Variants in MYL12B observed in about 807,000 individuals in gnomAD.
The protein encoded by MYL12B is myosin regulatory light chain 12B.
A neutral mutation model predicts 12.9 loss-of-function variants in MYL12B; 3 were observed. The ratio of observed to expected loss-of-function variants is 0.23; its 90% CI spans 0.11 to 0.60. The LOEUF (loss-of-function observed/expected upper bound fraction) is 0.60, where lower values mean the gene tolerates loss of function less well. Among genes scored for constraint, MYL12B ranks in the 20% least tolerant of loss-of-function variants. The pLI, the probability that MYL12B is intolerant of heterozygous loss-of-function variation, is 0.89. For missense variants in MYL12B, 120 were observed against 215.4 expected (o/e 0.56, Z 2.77); for synonymous variants, 57 against 71.9 (o/e 0.79, Z 1.05).
chr18:3,272,759 C>A, intron 1 of MYL12B, 125 bp from the exon 2 acceptor site: 1 of 877,124 alleles, frequency 1.1e-6, no homozygotes, highest in Non-Finnish European at 1.6e-6. Flanking sequence ...CTTATTCCTA[C>A]CCAATTGAAG....
In MYL12B at chr18:3,272,972, T is replaced by C; in HGVS notation, c.74T>C (p.Met25Thr). 1.2e-6 allele frequency: 2 copies of C among 1,612,830 alleles called. No individual in the cohort carries two copies. Among genetic ancestry groups the C allele is most frequent in the Non-Finnish European group, 1.7e-6 (2 of 1,179,700 alleles). The change falls in exon 2 of 4, where the codon ATG becomes ACG. Residue 25 changes from methionine (M) to threonine (T), a missense_variant. Transcript: ENST00000237500. Reference sequence around the variant, plus strand: ...CGTGCAACATCCAATGTGTTTGCCATGTTTGACCAGTCACAGATTCAGGAG... The same window carrying C: ...CGTGCAACATCCAATGTGTTTGCCACGTTTGACCAGTCACAGATTCAGGAG... ...PQRATSNVFA[M>T]FDQSQIQEFK...
chr18:3,272,172 G>C (rs1037762831), intron 1 of MYL12B: 3 of 840,686 alleles, frequency 3.6e-6, no homozygotes, highest in African/African-American at 1.1e-4. Flanking sequence ...GACCTTTTTT[G>C]AACATGACTA....
At chr18:3,272,483 A>G (rs2081688719) in intron 1 of MYL12B, among the ~76,000 whole-genome samples, 1 of 152,238 alleles carries the variant, frequency 6.6e-6, no homozygotes. Context: ...CTTCATAAAA[A>G]TTGATCCCCT....
chr18:3,274,365 A>G (rs1187466118), intron 2 of MYL12B, among the ~76,000 whole-genome samples: 1 of 152,244 alleles, frequency 6.6e-6, no homozygotes, highest in Non-Finnish European at 1.5e-5. Context: ...TCTGTTTTGC[A>G]GAAACCCATC....
intron 2 of MYL12B, chr18:3,276,901 T>C: frequency 5.4e-6 from 5 of 928,244 alleles, no homozygotes; most frequent in Non-Finnish European, 6.3e-6. Context: ...CAGGGCATGG[T>C]GGCACATGCC....
Position 3,273,176 on chromosome 18 carries a change from C to T in MYL12B, c.184+94C>T, listed in dbSNP as rs2081696448. On this transcript the variant is annotated intron_variant, in intron 2 of 3. Transcript: ENST00000237500. ...TGTGCGATGTACAAATATTTCTCTC[C>T]TTGTCTCAAAAGGCCTCTGGAGAGA... 10 of 1,373,204 alleles carry T rather than the reference C, an allele frequency of 7.3e-6. No individual in the cohort carries two copies. The South Asian group carries it at 1.0e-4, about 14-fold the overall frequency. 85.1% of individuals were successfully genotyped at this position (1,373,204 alleles called of 1,614,324 possible).
At chr18:3,276,536 T>A in intron 2 of MYL12B, 1 of 985,308 alleles carries the variant, frequency 1.0e-6, no homozygotes, top group Non-Finnish European at 1.2e-6. Flanking sequence ...GTGTAAACAG[T>A]GTTTGAAGAT....
At chr18:3,277,043 A>G (rs997442375) in intron 2 of MYL12B, 1 of 966,452 alleles carries the variant, frequency 1.0e-6, no homozygotes, top group Non-Finnish European at 1.2e-6. Context: ...ATAACCTTCA[A>G]TATAAGCCTG....
rs149878924 is a variant in MYL12B, at chr18:3,276,025, A to G, written c.185-1228A>G. Among the ~76,000 whole-genome samples the G allele has an allele frequency of 8.0e-4, 121 of 152,152 alleles. 2 individuals carry two copies. The East Asian group carries it at 0.022, about 27-fold the overall frequency. On this transcript the variant is annotated intron_variant, in intron 2 of 3. Coordinates refer to ENST00000237500, the MANE Select transcript of MYL12B (RefSeq NM_033546.4). ...AACTATAATGGTAGCTTTGATTGTC[A>G]TTCTAGCTTTGACTTAGTTGGGTAT...
Position 3,272,199 on chromosome 18 carries a change from TATCTC to T in MYL12B, c.-15-683_-15-679del, listed in dbSNP as rs1431163069. On this transcript the variant is annotated intron_variant, in intron 1 of 3. Transcript: ENST00000237500. ...ACATGACTAGTCTTTTTACATATGT[TATCTC>T]AATTAGTTCTTTGCATTGAAGTAGA... 41 of 817,734 alleles carry T rather than the reference TATCTC, an allele frequency of 5.0e-5. No homozygotes were observed. In the African/African-American group the frequency reaches 2.2e-3, roughly 44 times the overall value. 50.7% of individuals were successfully genotyped at this position (817,734 alleles called of 1,614,324 possible). A position where few individuals can be genotyped will look rare whatever the true frequency, so the allele number is the denominator to read the frequency against.
intron 2 of MYL12B, 74 bp from the exon 3 acceptor site, chr18:3,277,179 A>T: frequency 7.3e-7 from 1 of 1,363,826 alleles, no homozygotes. Context: ...TATGTTGGGG[A>T]GCATAATAAT....
chr18:3,262,771 G>A (rs1014408754), intron 1 of MYL12B: 4 of 152,408 alleles, frequency 2.6e-5, no homozygotes, highest in African/African-American at 9.6e-5. Context: ...AGCCTCCAAG[G>A]AAGCCATTAG....
intron 2 of MYL12B, chr18:3,276,683 A>T: frequency 1.8e-6 from 1 of 555,850 alleles, no homozygotes; most frequent in Non-Finnish European, 2.3e-6. Flanking sequence ...GTGAATATTT[A>T]GATTTTTTTG....
chr18:3,266,281 C>T (rs573625380), intron 1 of MYL12B, among the ~76,000 whole-genome samples: 1 of 152,332 alleles, frequency 6.6e-6, no homozygotes, highest in African/African-American at 2.4e-5. Context: ...ATCCTCAGTT[C>T]CCTGCCACAT....
intron 1 of MYL12B, among the ~76,000 whole-genome samples, chr18:3,263,989 T>C (rs1447796787): frequency 6.6e-6 from 1 of 152,100 alleles, no homozygotes; most frequent in African/African-American, 2.4e-5. Context: ...ATATGATGAG[T>C]TGTCGTGAGG....
intron 2 of MYL12B, among the ~76,000 whole-genome samples, chr18:3,275,499 A>T (rs2081722417): frequency 6.6e-6 from 1 of 152,188 alleles, no homozygotes; most frequent in Non-Finnish European, 1.5e-5. Context: ...GCTTGAAGGG[A>T]TGGCTATGCC....
chr18:3,270,701 C>T (rs1218324874), intron 1 of MYL12B, among the ~76,000 whole-genome samples: 1 of 152,046 alleles, frequency 6.6e-6, no homozygotes, highest in East Asian at 1.9e-4. Flanking sequence ...GACAGTGTCT[C>T]GTTTTGTCAC....
At position 3,278,000 on chromosome 18, in the gene MYL12B, C is replaced by T. The variant is rs557652289; in HGVS notation, c.*63C>T. 47 of 1,558,828 alleles carry T rather than the reference C, an allele frequency of 3.0e-5. No homozygotes were observed. In the East Asian group the frequency reaches 1.1e-3, roughly 36 times the overall value. ...ACTCTCTTTTACTTCTCAGACACTT[C>T]CCCCACCCTCATAGAACCTGTTGCA... On this transcript the variant is annotated 3_prime_UTR_variant, in exon 4 of 4. Transcript: ENST00000237500.
intron 1 of MYL12B, among the ~76,000 whole-genome samples, chr18:3,270,827 C>G (rs555249349): frequency 6.6e-6 from 1 of 152,146 alleles, no homozygotes; most frequent in Non-Finnish European, 1.5e-5. Context: ...TGTGCCACCA[C>G]ACCTGGCTAA....
Sources: allele counts gnomAD v4.1 joint callset (sites outside exome capture counted in the v4.1 genomes callset), GRCh38; gene constraint gnomAD v4.1.1; transcripts MANE v1.5; gene names NCBI Gene and HGNC (gene_info 2026-07-23, HGNC 2026-07-21).